Variants in ARHGAP23 observed in about 807,000 individuals in gnomAD.
ARHGAP23 encodes the protein Rho GTPase activating protein 23.
ARHGAP23 carries 34 observed loss-of-function variants against 136.3 expected under a neutral mutation model. That is an observed-to-expected ratio of 0.25 (90% CI 0.19 to 0.33). The LOEUF (loss-of-function observed/expected upper bound fraction) is 0.33, where lower values mean the gene tolerates loss of function less well. Ranked by LOEUF, ARHGAP23 falls within the 10% of genes least tolerant of loss-of-function variation. The pLI is 1.00. For missense variants in ARHGAP23, 1,808 were observed against 2,139.0 expected (o/e 0.85, Z 3.05); for synonymous variants, 832 against 920.5 (o/e 0.90, Z 1.74).
intron 23 of ARHGAP23, among the ~76,000 whole-genome samples, chr17:38,507,205 C>T (rs1370229580): frequency 6.6e-6 from 1 of 151,606 alleles, no homozygotes; most frequent in Non-Finnish European, 1.5e-5. Flanking sequence ...ACCCGGGAAG[C>T]AGAGGTTACA....
In ARHGAP23 at chr17:38,457,876, A is replaced by AGGG. The variant is rs1225165543; in HGVS notation, c.64-224_64-222dup. The stretch of plus-strand genomic sequence containing the variant: ...TTTTCCCAAGGGCAAAGACATTATG[A>AGGG]GGGGACTGAGGGGAAAGGAAAGAAG... On this transcript the variant is annotated intron_variant, in intron 1 of 23. Transcript: ENST00000622683. 10 of 595,042 alleles carry AGGG rather than the reference A, an allele frequency of 1.7e-5. No homozygotes were observed. The African/African-American group carries it at 1.9e-4, about 11-fold the overall frequency. 36.9% of individuals were successfully genotyped at this position (595,042 alleles called of 1,614,324 possible).
chr17:38,498,365 C>A, intron 21 of ARHGAP23, 49 bp from the exon 22 acceptor site: 1 of 1,456,704 alleles, frequency 6.9e-7, no homozygotes. Context: ...GGGGGGTTGG[C>A]AGCCCAGCAT....
chr17:38,482,276 G>T lies in ARHGAP23; in HGVS notation c.2751+133G>T, dbSNP rs2040062559. On this transcript the variant is annotated intron_variant, in intron 15 of 23. Transcript: ENST00000622683. Reference sequence around the variant, plus strand: ...ACAGCTGGGAAAACAGCCCAGAGAGGGGAAGGCCCCCGCCTGCCCCGGGCC... The same window carrying T: ...ACAGCTGGGAAAACAGCCCAGAGAGTGGAAGGCCCCCGCCTGCCCCGGGCC... 2.7e-6 allele frequency: 4 copies of T among 1,456,718 alleles called. No homozygotes were observed. The African/African-American group carries it at 5.8e-5, about 21-fold the overall frequency. 90.2% of individuals were successfully genotyped at this position (1,456,718 alleles called of 1,614,324 possible).
At chr17:38,496,403 G>A (rs2040394219) in intron 20 of ARHGAP23, among the ~76,000 whole-genome samples, 1 of 152,052 alleles carries the variant, frequency 6.6e-6, no homozygotes, top group Non-Finnish European at 1.5e-5. Flanking sequence ...GAGCCCAGGA[G>A]TTCAAGGGTA....
intron 1 of ARHGAP23, among the ~76,000 whole-genome samples, chr17:38,429,765 C>G (rs1254331475): frequency 6.6e-6 from 1 of 152,100 alleles, no homozygotes; most frequent in African/African-American, 2.4e-5. Flanking sequence ...TTCAATCCCC[C>G]ACCAGCAACA....
At chr17:38,472,266 A>T (rs2039777874) in intron 11 of ARHGAP23, among the ~76,000 whole-genome samples, 1 of 152,204 alleles carries the variant, frequency 6.6e-6, no homozygotes, top group Non-Finnish European at 1.5e-5. Flanking sequence ...AAACCATCCC[A>T]CACGGGCCCT....
Position 38,510,212 on chromosome 17 carries a change from C to T in ARHGAP23, c.3716C>T (p.Pro1239Leu). Reference sequence around the variant, plus strand: ...CCCCCGGCGGCGCCGGAGGAGCGGCCGGCCGCGGACACGCGCTCCATTGTG... The same window carrying T: ...CCCCCGGCGGCGCCGGAGGAGCGGCTGGCCGCGGACACGCGCTCCATTGTG... ...LSPPAAPEER[P>L]AADTRSIVSG... is the part of the protein sequence containing the mutation. Residue 1239 changes from proline to leucine, a missense_variant, in exon 24 of 24, where the codon CCG becomes CTG. Around this residue, in one of 7 missense-constraint regions of ARHGAP23, gnomAD observed 506 missense variants for 455.8 expected, o/e 1.11. Transcript: ENST00000622683. This position sits in a 1 kb window ranked among gnomAD's most constrained non-coding sequence, Gnocchi z 4.6. 2 of 1,371,738 alleles carry T rather than the reference C, an allele frequency of 1.5e-6. No homozygotes were observed. Among genetic ancestry groups the T allele is most frequent in the East Asian group, 3.1e-5 (1 of 32,412 alleles). 85.0% of individuals were successfully genotyped at this position (1,371,738 alleles called of 1,614,324 possible).
rs140976527 is a variant in ARHGAP23 at position 38,429,930 on chromosome 17, C to T, written c.63+1382C>T. Among the ~76,000 whole-genome samples the T allele has an allele frequency of 1.9e-3, 288 of 152,286 alleles. 4 individuals carry two copies. Among genetic ancestry groups the T allele is most frequent in the African/African-American group, 6.8e-3 (281 of 41,560 alleles). On this transcript the variant is annotated intron_variant, in intron 1 of 23. Transcript: ENST00000622683. ...GTGACAGCTCTCACTGCCATGTGCT[C>T]CTTGGCATGCGATTTGAATCTCGAT...
In ARHGAP23 at chr17:38,482,053, G is replaced by C. The variant is rs1261822529; in HGVS notation, c.2661G>C (p.Trp887Cys). 6.5e-7 allele frequency: 1 copy of C among 1,549,048 alleles called. No homozygotes were observed. Among genetic ancestry groups the C allele is most frequent in the Non-Finnish European group, 8.7e-7 (1 of 1,146,044 alleles). Residue 887 changes from tryptophan to cysteine, a missense_variant, in exon 15 of 24, where the codon TGG (tryptophan) becomes TGC (cysteine). Physicochemically the swap from Trp to Cys is radical, Grantham distance 215. Around this residue, in one of 7 missense-constraint regions of ARHGAP23, gnomAD observed 73 missense variants for 82.5 expected, o/e 0.88. Transcript: ENST00000622683. ...DDSAAAPKTPWGINIIKKNKK... is the reference protein window; with the variant it reads ...DDSAAAPKTPCGINIIKKNKK... ...GTGCTGCAGCCCCCAAAACCCCCTG[G>C]GGCATCAACATCATCAAGAAAAATA...
intron 18 of ARHGAP23, 73 bp downstream of exon 18, chr17:38,490,248 A>G: frequency 6.9e-7 from 1 of 1,442,846 alleles, no homozygotes; most frequent in Non-Finnish European, 9.5e-7. Flanking sequence ...GGAGGCAGGG[A>G]GTCCGGTGCT....
chr17:38,428,383 G>GCCC (rs555328370), upstream of ARHGAP23: 26 of 378,002 alleles, frequency 6.9e-5, no homozygotes, highest in Admixed American at 1.5e-4. Flanking sequence ...CCCGGGGGGG[G>GCCC]CCCCCCCACA....
Position 38,477,564 on chromosome 17 carries a change from C to T in ARHGAP23, c.2119-15C>T, listed in dbSNP as rs749163868. 29 of 1,261,900 alleles carry T rather than the reference C, an allele frequency of 2.3e-5. No individual in the cohort carries two copies. The highest frequency in any genetic ancestry group is 7.9e-5 in the African/African-American group (5 of 63,380). The allele number at this position is 1,261,900 out of a possible 1,614,324, so 78.2% of individuals were successfully genotyped here. On this transcript the variant is annotated splice_polypyrimidine_tract_variant and intron_variant, in intron 11 of 23. Coordinates refer to ENST00000622683, the MANE Select transcript of ARHGAP23 (RefSeq NM_001199417.2). This position sits in a 1 kb window ranked among gnomAD's most constrained non-coding sequence, Gnocchi z 6.6. Reference sequence around the variant, plus strand: ...TCACCATTCCTGTCTCCCCCAACCCCGTGTCTCCCTGCAGAAAGCGGGCAG... The same window carrying T: ...TCACCATTCCTGTCTCCCCCAACCCTGTGTCTCCCTGCAGAAAGCGGGCAG...
At chr17:38,449,439 C>T (rs529868632) in intron 1 of ARHGAP23, among the ~76,000 whole-genome samples, 60 of 152,304 alleles carry the variant, frequency 3.9e-4, no homozygotes, top group African/African-American at 1.3e-3. Flanking sequence ...CTTGCTTGGC[C>T]GGCTCATCAA....
intron 20 of ARHGAP23, among the ~76,000 whole-genome samples, chr17:38,495,458 C>T (rs2040371977): frequency 6.6e-6 from 1 of 152,120 alleles, no homozygotes; most frequent in African/African-American, 2.4e-5. Context: ...GTCTTGAACT[C>T]CTGACCTCAG....
chr17:38,436,395 C>G (rs1294759569), intron 1 of ARHGAP23, among the ~76,000 whole-genome samples: 2 of 132,732 alleles, frequency 1.5e-5, no homozygotes, highest in Non-Finnish European at 3.6e-5. Flanking sequence ...CCCTACCCCC[C>G]CAAAAAAAAC....
intron 20 of ARHGAP23, among the ~76,000 whole-genome samples, chr17:38,492,562 A>G (rs1312313452): frequency 2.0e-5 from 3 of 152,218 alleles, no homozygotes; most frequent in Non-Finnish European, 4.4e-5. Flanking sequence ...TCCTCCTGCT[A>G]TCAACCCAAA....
chr17:38,503,805 C>T (rs1247224033), intron 23 of ARHGAP23, among the ~76,000 whole-genome samples: 2 of 152,182 alleles, frequency 1.3e-5, no homozygotes, highest in Non-Finnish European at 2.9e-5. Flanking sequence ...TCAGAGAGTA[C>T]GTCTTTACTG....
At chr17:38,475,576 G>T (rs897396645) in intron 11 of ARHGAP23, among the ~76,000 whole-genome samples, 1 of 152,262 alleles carries the variant, frequency 6.6e-6, no homozygotes, top group African/African-American at 2.4e-5. Flanking sequence ...TCTTTGTCTG[G>T]TTTGTTCGGA....
rs754830143 is a variant in ARHGAP23 at position 38,428,471 on chromosome 17, C to G, written c.-15C>G. On this transcript the variant is annotated 5_prime_UTR_variant, in exon 1 of 24. Coordinates refer to ENST00000622683, the MANE Select transcript of ARHGAP23 (RefSeq NM_001199417.2). ...CCCAGCCGTGCCCCGGCCGCAGAGC[C>G]GCCGCTGCCACCCGATGAATGGAGT... 4.9e-5 allele frequency: 70 copies of G among 1,434,528 alleles called. No homozygotes were observed. In the South Asian group the frequency reaches 8.1e-4, roughly 17 times the overall value. 88.9% of individuals were successfully genotyped at this position (1,434,528 alleles called of 1,614,324 possible). A position where few individuals can be genotyped will look rare whatever the true frequency, so the allele number is the denominator to read the frequency against.
Sources: gnomAD v4.1 joint callset for allele counts (sites outside exome capture counted in the v4.1 genomes callset) on GRCh38, gnomAD v4.1.1 for gene constraint, gnomAD v4.1.1 regional missense constraint, Gnocchi (gnomAD v3.1) non-coding constraint, MANE v1.5 for transcripts, NCBI Gene and HGNC (gene_info 2026-07-23, HGNC 2026-07-21) for gene names.